The following CAMKMT variants were observed in gnomAD, a reference collection of about 807,000 sequenced individuals.
CAMKMT encodes CaM KMT.
Under a neutral mutation model 48.0 loss-of-function variants are expected in CAMKMT, and 53 were observed. The observed-to-expected ratio is 1.10, with a 90% CI of 0.89 to 1.39. The LOEUF (loss-of-function observed/expected upper bound fraction) is 1.39, where lower values mean the gene tolerates loss of function less well. CAMKMT is among the 40% of genes most tolerant of loss of function. The pLI, the probability that CAMKMT is intolerant of heterozygous loss-of-function variation, is 0.00. For synonymous variants in CAMKMT, 165 were observed against 152.3 expected, an observed-to-expected ratio of 1.08 and a Z score of -0.61; for missense variants, 428 against 402.7, an observed-to-expected ratio of 1.06 and a Z score of -0.54.
chr2:44,545,747 C>T (rs1376163323), intron 3 of CAMKMT, among the ~76,000 whole-genome samples: 2 of 148,126 alleles, frequency 1.4e-5, no homozygotes, highest in Non-Finnish European at 3.0e-5. Context: ...ATTATGAAGG[C>T]ACAGTTTTAA....
chr2:44,765,068 C>CA (rs959059754), intron 9 of CAMKMT, among the ~76,000 whole-genome samples: 36 of 148,508 alleles, frequency 2.4e-4, no homozygotes, highest in African/African-American at 4.9e-4. Context: ...ACTAAAAATA[C>CA]AAAAAAAAAA....
At chr2:44,733,635 T>C (rs1679200342) in intron 7 of CAMKMT, among the ~76,000 whole-genome samples, 1 of 152,156 alleles carries the variant, frequency 6.6e-6, no homozygotes, top group East Asian at 1.9e-4. Flanking sequence ...TTGCTGAAAG[T>C]TTTTAGCAGG....
intron 3 of CAMKMT, among the ~76,000 whole-genome samples, chr2:44,435,797 A>C (rs1359429640): frequency 1.3e-5 from 2 of 152,228 alleles, no homozygotes; most frequent in African/African-American, 4.8e-5. Context: ...GAAAGCTTAA[A>C]ATTATTTGAA....
intron 3 of CAMKMT, among the ~76,000 whole-genome samples, chr2:44,637,682 G>A (rs1213815379): frequency 6.6e-6 from 1 of 151,934 alleles, no homozygotes; most frequent in Non-Finnish European, 1.5e-5. Flanking sequence ...GCTTTGTTAA[G>A]AAGCCTATTA....
chr2:44,477,343 G>C (rs1668740492), intron 3 of CAMKMT, among the ~76,000 whole-genome samples: 1 of 152,074 alleles, frequency 6.6e-6, no homozygotes, highest in Admixed American at 6.6e-5. Context: ...ATATAAGTCT[G>C]GTGTATTGGT....
chr2:44,373,296 T>A (rs1033513474), intron 2 of CAMKMT, among the ~76,000 whole-genome samples: 1 of 152,218 alleles, frequency 6.6e-6, no homozygotes, highest in Non-Finnish European at 1.5e-5. Context: ...TTATTTATTT[T>A]TTTATTACTT....
At chr2:44,750,168 C>G (rs968096197) in intron 8 of CAMKMT, among the ~76,000 whole-genome samples, 1 of 151,390 alleles carries the variant, frequency 6.6e-6, no homozygotes, top group African/African-American at 2.4e-5. Flanking sequence ...CTCTCTCTCT[C>G]AAGACAAAGT....
At chr2:44,495,648 T>C (rs1669719511) in intron 3 of CAMKMT, among the ~76,000 whole-genome samples, 1 of 152,192 alleles carries the variant, frequency 6.6e-6, no homozygotes, top group African/African-American at 2.4e-5. Flanking sequence ...AGGATGTCAA[T>C]TGGAAGCAAT....
intron 7 of CAMKMT, among the ~76,000 whole-genome samples, chr2:44,725,476 A>G (rs1678730536): frequency 6.6e-6 from 1 of 152,184 alleles, no homozygotes; most frequent in Non-Finnish European, 1.5e-5. Context: ...CTACCAAGTT[A>G]CAAGACAGAG....
intron 3 of CAMKMT, among the ~76,000 whole-genome samples, chr2:44,616,753 T>C (rs1308967816): frequency 6.6e-6 from 1 of 152,192 alleles, no homozygotes; most frequent in Non-Finnish European, 1.5e-5. Flanking sequence ...GAACTTTATG[T>C]GTTGCTACAT....
intron 1 of CAMKMT, chr2:44,369,715 A>T (rs1480186201): frequency 6.6e-6 from 1 of 152,204 alleles, no homozygotes; most frequent in Non-Finnish European, 1.5e-5. Flanking sequence ...ATAACTATAG[A>T]TTCTAGAAGC....
At chr2:44,672,803 T>C (rs1488179121) in intron 3 of CAMKMT, among the ~76,000 whole-genome samples, 2 of 152,192 alleles carry the variant, frequency 1.3e-5, no homozygotes, top group African/African-American at 2.4e-5. Context: ...AAGTACCTTA[T>C]TAATCATCCA....
chr2:44,768,825 G>C (rs1325259752), intron 10 of CAMKMT, among the ~76,000 whole-genome samples: 1 of 152,154 alleles, frequency 6.6e-6, no homozygotes, highest in Non-Finnish European at 1.5e-5. Flanking sequence ...TCCCTGGGAC[G>C]CGCTGCTCCC....
intron 3 of CAMKMT, among the ~76,000 whole-genome samples, chr2:44,602,335 A>G (rs1019210748): frequency 2.0e-5 from 3 of 152,048 alleles, no homozygotes; most frequent in Non-Finnish European, 4.4e-5. Flanking sequence ...TCCTCCACCT[A>G]TTATTTTTAA....
intron 3 of CAMKMT, among the ~76,000 whole-genome samples, chr2:44,400,188 A>G (rs967024695): frequency 9.9e-5 from 15 of 152,206 alleles, no homozygotes; most frequent in Admixed American, 2.0e-4. Context: ...CTAAGTTTCA[A>G]TTTTAGAGGA....
intron 7 of CAMKMT, among the ~76,000 whole-genome samples, chr2:44,734,555 C>T (rs756591214): frequency 1.5e-4 from 23 of 152,068 alleles, no homozygotes; most frequent in Non-Finnish European, 3.1e-4. Context: ...GCTGGGACTA[C>T]AGGCATGCAC....
At chr2:44,510,656 A>T (rs900800566) in intron 3 of CAMKMT, among the ~76,000 whole-genome samples, 6 of 152,118 alleles carry the variant, frequency 3.9e-5, no homozygotes, top group Admixed American at 2.0e-4. Flanking sequence ...CATTCTTTTT[A>T]AAAAACTTCA....
intron 3 of CAMKMT, among the ~76,000 whole-genome samples, chr2:44,593,148 G>A (rs1381786898): frequency 1.3e-5 from 2 of 152,060 alleles, no homozygotes; most frequent in Non-Finnish European, 1.5e-5. Context: ...TATTTATGTA[G>A]GGCAAATTTT....
intron 7 of CAMKMT, among the ~76,000 whole-genome samples, chr2:44,734,598 A>G (rs1679260064): frequency 6.6e-6 from 1 of 151,994 alleles, no homozygotes; most frequent in Non-Finnish European, 1.5e-5. Flanking sequence ...TATTTTTAGT[A>G]TAGATGGTGT....
Sources: gnomAD v4.1 joint callset for allele counts (sites outside exome capture counted in the v4.1 genomes callset) on GRCh38, gnomAD v4.1.1 for gene constraint, MANE v1.5 for transcripts, NCBI Gene and HGNC (gene_info 2026-07-23, HGNC 2026-07-21) for gene names.